The following KNL1 variants were observed in gnomAD, a reference collection of about 807,000 sequenced individuals.
KNL1 encodes the protein kinetochore scaffold 1.
A neutral mutation model predicts 201.3 loss-of-function variants in KNL1; 66 were observed. The ratio of observed to expected loss-of-function variants is 0.33; its 90% CI spans 0.27 to 0.40. The LOEUF (loss-of-function observed/expected upper bound fraction) is 0.40, where lower values mean the gene tolerates loss of function less well. Ranked by LOEUF, KNL1 falls within the 10% of genes least tolerant of loss-of-function variation. The pLI is 1.00. For synonymous variants in KNL1, 895 were observed against 899.2 expected, an observed-to-expected ratio of 1.00 and a Z score of 0.08; for missense variants, 2,815 against 2,690.5, an observed-to-expected ratio of 1.05 and a Z score of -1.02.
At position 40,621,737 on chromosome 15, in the gene KNL1, A is replaced by G; in HGVS notation, c.1473A>G (p.Thr491=). 1 of 1,613,546 alleles carries G rather than the reference A, an allele frequency of 6.2e-7. No individual in the cohort carries two copies. The change falls in exon 10 of 26, where the codon ACA becomes ACG. Residue 491 remains threonine (T), a synonymous_variant. Transcript: ENST00000399668. ...ACATGGACATTACCAAGAGTCATAC[A>G]GTTGCAATAGATAATCAAATTTTTA... ...EENMDITKSH[T]VAIDNQIFKQ...
At chr15:40,617,498 T>C (rs17747399) in intron 8 of KNL1, among the ~76,000 whole-genome samples, 38,594 of 152,060 alleles carry the variant, frequency 0.25, 6,030 homozygotes, top group Middle Eastern at 0.37. Flanking sequence ...ATATGATTTA[T>C]GTTTGCCGCC....
chr15:40,620,216 AT>A (rs11458507), intron 9 of KNL1, among the ~76,000 whole-genome samples: 66 of 148,508 alleles, frequency 4.4e-4, no homozygotes, highest in East Asian at 1.8e-3. Context: ...GCCTAGAATA[AT>A]TTTTTTTTTT....
At chr15:40,612,614 T>C (rs1478145944) in intron 7 of KNL1, among the ~76,000 whole-genome samples, 1 of 151,998 alleles carries the variant, frequency 6.6e-6, no homozygotes, top group Non-Finnish European at 1.5e-5. Context: ...CCTCCTGGGT[T>C]CAAGTGATTC....
chr15:40,641,196 T>G lies in KNL1; in HGVS notation c.5798+169T>G, dbSNP rs1464915376. Among the ~76,000 whole-genome samples, 3 of 152,204 alleles carry G rather than the reference T, an allele frequency of 2.0e-5. No homozygotes were observed. The East Asian group carries it at 5.8e-4, about 29-fold the overall frequency. ...TTTGGCCTCGTAGTCAGATTGAAGC[T>G]CAGTCTTGGCTTCAACACTAGCTGT... On this transcript the variant is annotated intron_variant, in intron 14 of 25. Coordinates refer to ENST00000399668, the MANE Select transcript of KNL1 (RefSeq NM_144508.5).
chr15:40,632,630 A>G (rs549596832), intron 13 of KNL1, among the ~76,000 whole-genome samples: 2 of 152,296 alleles, frequency 1.3e-5, no homozygotes, highest in South Asian at 2.1e-4. Context: ...TGAAAAGGCA[A>G]CCCACAGAAT....
At chr15:40,637,874 A>G (rs1448570655) in intron 13 of KNL1, among the ~76,000 whole-genome samples, 1 of 137,576 alleles carries the variant, frequency 7.3e-6, no homozygotes, top group Non-Finnish European at 1.5e-5. Context: ...CAAAAATCTG[A>G]AAAAAAAAAT....
chr15:40,645,653 C>T lies in KNL1; in HGVS notation c.5890-3C>T. 6.5e-7 allele frequency: 1 copy of T among 1,547,274 alleles called. No homozygotes were observed. The highest frequency in any genetic ancestry group is 8.9e-7 in the Non-Finnish European group (1 of 1,128,026). ...CAGTGTTCTCTATAACTTTCCCTTC[C>T]AGCTGAAGGCCTTTGGAATTTATCT... is the stretch of plus-strand genomic sequence containing the variant. On this transcript the variant is annotated splice_polypyrimidine_tract_variant and splice_region_variant and intron_variant, in intron 15 of 25. Coordinates refer to ENST00000399668, the MANE Select transcript of KNL1 (RefSeq NM_144508.5).
At chr15:40,619,138 G>T (rs374542120) in intron 9 of KNL1, 127 bp downstream of exon 9, 3 of 688,066 alleles carry the variant, frequency 4.4e-6, no homozygotes, top group South Asian at 1.8e-5. Context: ...AACTGGAAAG[G>T]CTTCCTACCT....
intron 14 of KNL1, among the ~76,000 whole-genome samples, chr15:40,641,301 T>C (rs969268943): frequency 1.3e-5 from 2 of 152,180 alleles, no homozygotes; most frequent in Non-Finnish European, 1.5e-5. Context: ...CCAATAGATA[T>C]GAACAATAGA....
chr15:40,635,995 G>A (rs77855890), intron 13 of KNL1, among the ~76,000 whole-genome samples: 3,022 of 152,194 alleles, frequency 0.02, 102 homozygotes, highest in African/African-American at 0.07. Flanking sequence ...CTACCACCAT[G>A]CCTGGCTAAT....
chr15:40,663,186 A>G lies in KNL1; in HGVS notation c.*998A>G, dbSNP rs1012655079. On this transcript the variant is annotated 3_prime_UTR_variant, in exon 26 of 26. Coordinates refer to ENST00000399668, the MANE Select transcript of KNL1 (RefSeq NM_144508.5). The stretch of plus-strand genomic sequence containing the variant: ...GCCATTCTCCTGCCTCAGCCTCCCG[A>G]GTAGCTGGGACTACAGGTGCCCACC... 4.4e-5 allele frequency: 7 copies of G among 157,468 alleles called. No homozygotes were observed. In the South Asian group the frequency reaches 6.2e-4, roughly 14 times the overall value. The allele number at this position is 157,468 out of a possible 1,614,324, so 9.8% of individuals were successfully genotyped here. A position where few individuals can be genotyped will look rare whatever the true frequency, so the allele number is the denominator to read the frequency against.
intron 25 of KNL1, among the ~76,000 whole-genome samples, chr15:40,661,099 C>T (rs977890944): frequency 2.0e-5 from 3 of 150,430 alleles, no homozygotes; most frequent in Non-Finnish European, 4.4e-5. Context: ...CTAGGCCGGG[C>T]ATGGTGGCTC....
Position 40,650,652 on chromosome 15 carries a change from C to T in KNL1, c.6212+69C>T. ...CAGAAGGCTAGATGACTTCCTGCCTCCAGAGACTGACAGGATTTGGGGACA... is the reference window on the plus strand; with the variant it reads ...CAGAAGGCTAGATGACTTCCTGCCTTCAGAGACTGACAGGATTTGGGGACA... On this transcript the variant is annotated intron_variant, in intron 19 of 25. Coordinates refer to ENST00000399668, the MANE Select transcript of KNL1 (RefSeq NM_144508.5). The T allele has an allele frequency of 2.9e-6, 4 of 1,363,588 alleles. No homozygotes were observed. In the South Asian group the frequency reaches 6.0e-5, roughly 20 times the overall value. The allele number at this position is 1,363,588 out of a possible 1,614,324, so 84.5% of individuals were successfully genotyped here.
chr15:40,594,521 C>G (rs1891562242), intron 1 of KNL1, 129 bp downstream of exon 1: 2 of 152,312 alleles, frequency 1.3e-5, no homozygotes, highest in Admixed American at 1.3e-4. Context: ...AGCGCCGGGC[C>G]GAGTAGACGC....
chr15:40,657,120 A>G lies in KNL1; in HGVS notation c.6563A>G (p.Lys2188Arg). ...GTTGAAGAAAAGGAATCCTGGAAGA[A>G]GACATGTACAACCCAGCATCAGTTA... The part of the protein sequence containing the change: ...QYVEEKESWK[K>R]TCTTQHQLPK... The change falls in exon 23 of 26, where the codon AAG (lysine) becomes AGG (arginine). Residue 2188 changes from lysine (K) to arginine (R), a missense_variant. By Grantham distance (26) the Lys-to-Arg change is conservative. Transcript: ENST00000399668. 1 of 1,608,934 alleles carries G rather than the reference A, an allele frequency of 6.2e-7. No homozygotes were observed.
rs745703026 is a variant in KNL1 at position 40,622,590 on chromosome 15, CCTT to C, written c.2329_2331del (p.Ser777del). ...CCACACTGTCGTCATTGGATTTGGT[CCTT>C]CTGAACTACAAGAACTTGGTAAAAC... On this transcript the variant is annotated inframe_deletion, in exon 10 of 26. Coordinates refer to ENST00000399668, the MANE Select transcript of KNL1 (RefSeq NM_144508.5). 19 of 1,609,792 alleles carry C rather than the reference CCTT, an allele frequency of 1.2e-5. No homozygotes were observed. Among genetic ancestry groups the C allele is most frequent in the Non-Finnish European group, 1.5e-5 (18 of 1,178,354 alleles).
Position 40,628,061 on chromosome 15 carries a change from C to A in KNL1, c.5377-9C>A. 1 of 1,573,860 alleles carries A rather than the reference C, an allele frequency of 6.4e-7. No individual in the cohort carries two copies. On this transcript the variant is annotated splice_polypyrimidine_tract_variant and intron_variant, in intron 10 of 25. Coordinates refer to ENST00000399668, the MANE Select transcript of KNL1 (RefSeq NM_144508.5). ...TATTCTGATGATATTCCTTAATTGA[C>A]AATTTCAGATTTTTGATCACCATAC...
chr15:40,639,012 C>G (rs960295099), intron 13 of KNL1, among the ~76,000 whole-genome samples: 3 of 143,174 alleles, frequency 2.1e-5, no homozygotes, highest in African/African-American at 7.8e-5. Context: ...AGGCTGGTCA[C>G]CAACTCCCAA....
At position 40,624,706 on chromosome 15, in the gene KNL1, C is replaced by A. The variant is rs201772465; in HGVS notation, c.4442C>A (p.Ser1481Tyr). Residue 1481 changes from serine (S) to tyrosine (Y), a missense_variant, in exon 10 of 26, where the codon TCC (serine) becomes TAC (tyrosine). Around this residue, in one of 3 missense-constraint regions of KNL1, gnomAD observed 2,464 missense variants for 2,291.7 expected, o/e 1.08. Transcript: ENST00000399668. ...AAGAGTTTAAATATTATAGAAAATT[C>A]CTCTGCACCCATATGTGAAAACAAG... ...GNKSLNIIEN[S>Y]SAPICENKPK... 1.9e-6 allele frequency: 3 copies of A among 1,613,008 alleles called. No individual in the cohort carries two copies. The highest frequency in any genetic ancestry group is 2.5e-6 in the Non-Finnish European group (3 of 1,179,594).
Sources: gnomAD v4.1 joint callset for allele counts (sites outside exome capture counted in the v4.1 genomes callset) on GRCh38, gnomAD v4.1.1 for gene constraint, gnomAD v4.1.1 regional missense constraint, MANE v1.5 for transcripts, NCBI Gene and HGNC (gene_info 2026-07-23, HGNC 2026-07-21) for gene names.